The following PATJ variants were observed in gnomAD, a reference collection of about 807,000 sequenced individuals.
The protein encoded by PATJ is inaD-like protein.
PATJ carries 190 observed loss-of-function variants against 224.9 expected under a neutral mutation model. The observed-to-expected ratio is 0.84, with a 90% CI of 0.75 to 0.95. The LOEUF is 0.95. PATJ is among the 40% of genes least tolerant of loss of function. The pLI, the probability that PATJ is intolerant of heterozygous loss-of-function variation, is 0.00. For synonymous variants in PATJ, 769 were observed against 820.3 expected (o/e 0.94, Z 1.07); for missense variants, 2,121 against 2,270.3 (o/e 0.93, Z 1.34).
rs542763331 is a variant in PATJ at position 62,138,554 on chromosome 1, G to A, written c.5271+9609G>A. On this transcript the variant is annotated intron_variant, in intron 41 of 43. Coordinates refer to ENST00000642238, the MANE Select transcript of PATJ (RefSeq NM_001350145.3). ...ACTCCTGACCTCAGGTGATCCACCC[G>A]CCTCAGCCTCCCAAAGTGCTGGGAT... 4.5e-4 allele frequency among the ~76,000 whole-genome samples: 69 copies of A among 152,132 alleles called. 1 individual carries two copies. Among genetic ancestry groups the A allele is most frequent in the African/African-American group, 1.1e-3 (46 of 41,512 alleles).
chr1:62,097,270 T>A (rs1484389817), intron 33 of PATJ, among the ~76,000 whole-genome samples: 2 of 152,046 alleles, frequency 1.3e-5, no homozygotes, highest in East Asian at 3.9e-4. Flanking sequence ...CTTGATAGAA[T>A]CTGTGGTACA....
intron 7 of PATJ, among the ~76,000 whole-genome samples, 178 bp from the exon 8 acceptor site, chr1:61,787,576 C>T (rs1010391517): frequency 2.0e-5 from 3 of 152,176 alleles, no homozygotes; most frequent in Non-Finnish European, 4.4e-5. Flanking sequence ...TTGTGTTCTA[C>T]ATGAAATTCC....
At chr1:61,994,034 A>G (rs1411475738) in intron 28 of PATJ, among the ~76,000 whole-genome samples, 1 of 152,178 alleles carries the variant, frequency 6.6e-6, no homozygotes, top group Non-Finnish European at 1.5e-5. Flanking sequence ...CCATCACTCC[A>G]CAAAGATTCT....
intron 29 of PATJ, among the ~76,000 whole-genome samples, chr1:62,029,999 G>C (rs114984305): frequency 0.019 from 2,881 of 152,272 alleles, 48 homozygotes; most frequent in African/African-American, 0.042. Context: ...ACAGTTGAGA[G>C]GGAGCAATTT....
At position 62,116,634 on chromosome 1, in the gene PATJ, G is replaced by A. The variant is rs867347402; in HGVS notation, c.4758G>A (p.Glu1586=). The A allele has an allele frequency of 1.9e-6, 3 of 1,613,634 alleles. No homozygotes were observed. The highest frequency in any genetic ancestry group is 2.7e-5 in the African/African-American group (2 of 74,900). Residue 1586 remains glutamate, a synonymous_variant, in exon 36 of 44, where the codon GAG becomes GAA. Coordinates refer to ENST00000642238, the MANE Select transcript of PATJ (RefSeq NM_001350145.3). The part of the protein sequence containing the change: ...QGDQILSVNG[E]DMRNASQETV... ...ATCAGATCTTATCTGTGAATGGGGAGGACATGAGAAATGCCTCACAGGAGA... is the reference window on the plus strand; with the variant it reads ...ATCAGATCTTATCTGTGAATGGGGAAGACATGAGAAATGCCTCACAGGAGA...
Position 61,973,802 on chromosome 1 carries a change from C to T in PATJ, c.3671-16366C>T, listed in dbSNP as rs79438104. ...GTTCCTAAAATTACATTTGGCTTTT[C>T]GCAATGCTGTTTTCAAAATTAAAGC... On this transcript the variant is annotated intron_variant, in intron 27 of 43. Transcript: ENST00000642238. Among the ~76,000 whole-genome samples, 87 of 151,988 alleles carry T rather than the reference C, an allele frequency of 5.7e-4. 1 individual carries two copies. In the East Asian group the frequency reaches 0.011, roughly 19 times the overall value.
intron 37 of PATJ, among the ~76,000 whole-genome samples, chr1:62,120,046 A>G (rs1490484286): frequency 6.6e-6 from 1 of 152,216 alleles, no homozygotes; most frequent in Non-Finnish European, 1.5e-5. Context: ...CTGATTAGTT[A>G]TCTATTATAG....
At chr1:61,875,049 A>T (rs1667166541) in intron 20 of PATJ, among the ~76,000 whole-genome samples, 194 bp from the exon 21 acceptor site, 1 of 152,212 alleles carries the variant, frequency 6.6e-6, no homozygotes. Flanking sequence ...GAATAAACAG[A>T]TTTTGTTAGC....
chr1:62,114,300 G>C, intron 35 of PATJ, 54 bp downstream of exon 35: 1 of 1,421,000 alleles, frequency 7.0e-7, no homozygotes, highest in East Asian at 2.3e-5. Flanking sequence ...GAGCTCTGAT[G>C]CCTGTGAACA....
chr1:62,040,978 A>T (rs2148527899), intron 30 of PATJ, among the ~76,000 whole-genome samples: 1 of 152,340 alleles, frequency 6.6e-6, no homozygotes, highest in Non-Finnish European at 1.5e-5. Flanking sequence ...CACTCAGGGA[A>T]TGAGTAGTTC....
At chr1:62,128,394 C>T (rs1311431611) in intron 40 of PATJ, 5 of 320,378 alleles carry the variant, frequency 1.6e-5, no homozygotes, top group Non-Finnish European at 2.3e-5. Flanking sequence ...AACTGAGAGA[C>T]ATTTGACCTT....
At chr1:61,936,759 A>G (rs1269810398) in intron 27 of PATJ, among the ~76,000 whole-genome samples, 1 of 152,048 alleles carries the variant, frequency 6.6e-6, no homozygotes, top group East Asian at 1.9e-4. Flanking sequence ...TTTAGTAGAG[A>G]TGGGGTTTCA....
intron 31 of PATJ, among the ~76,000 whole-genome samples, chr1:62,058,133 T>G (rs922646447): frequency 6.6e-6 from 1 of 152,238 alleles, no homozygotes; most frequent in African/African-American, 2.4e-5. Flanking sequence ...TCCAGTCTAC[T>G]CAGGGCAGCA....
chr1:61,879,611 C>CT (rs59233481), intron 21 of PATJ, among the ~76,000 whole-genome samples: 2 of 146,310 alleles, frequency 1.4e-5, no homozygotes, highest in Admixed American at 6.9e-5. Flanking sequence ...AGAATTTTTC[C>CT]TTTTTTTTTT....
At chr1:62,080,650 G>GTA (rs1383582706) in intron 32 of PATJ, among the ~76,000 whole-genome samples, 2 of 152,110 alleles carry the variant, frequency 1.3e-5, no homozygotes, top group African/African-American at 2.4e-5. Flanking sequence ...CTTTTGTGCA[G>GTA]TATACATCAG....
At chr1:61,977,522 T>C (rs189304664) in intron 27 of PATJ, among the ~76,000 whole-genome samples, 50 of 152,178 alleles carry the variant, frequency 3.3e-4, no homozygotes, top group Admixed American at 1.8e-3. Flanking sequence ...TTAAAAAGGT[T>C]AATTGATAGG....
At chr1:61,998,609 AAAG>A (rs142990923) in intron 28 of PATJ, among the ~76,000 whole-genome samples, 8,158 of 152,250 alleles carry the variant, frequency 0.054, 609 homozygotes, top group East Asian at 0.4. Context: ...CTTAAGAACC[AAAG>A]AAGAAGAAAA....
intron 27 of PATJ, among the ~76,000 whole-genome samples, chr1:61,951,605 AT>A (rs1243293591): frequency 2.0e-5 from 3 of 151,724 alleles, no homozygotes; most frequent in Non-Finnish European, 4.4e-5. Context: ...AATCTCAACC[AT>A]TTTTCTAGTG....
chr1:61,952,253 TGAGAGA>T (rs111315851), intron 27 of PATJ: 59 of 475,160 alleles, frequency 1.2e-4, no homozygotes, highest in African/African-American at 9.3e-4. Flanking sequence ...GAACAAAATC[TGAGAGA>T]GAGAGAGAGA....
Sources: allele counts gnomAD v4.1 joint callset (sites outside exome capture counted in the v4.1 genomes callset), GRCh38; gene constraint gnomAD v4.1.1; transcripts MANE v1.5; gene names NCBI Gene and HGNC (gene_info 2026-07-23, HGNC 2026-07-21).